HIBADH: variants seen among roughly 807,000 people sequenced by gnomAD.
HIBADH encodes the protein 3-hydroxyisobutyrate dehydrogenase.
In HIBADH, 25 loss-of-function variants were observed where a neutral mutation model predicts 36.1. That is an observed-to-expected ratio of 0.69 (90% CI 0.50 to 0.97). The LOEUF (loss-of-function observed/expected upper bound fraction) is 0.97, where lower values mean the gene tolerates loss of function less well. HIBADH is among the 50% of genes least tolerant of loss of function. The pLI is 0.00. For missense variants in HIBADH, 421 were observed against 418.0 expected (o/e 1.01, Z -0.06); for synonymous variants, 160 against 149.5 (o/e 1.07, Z -0.51).
intron 4 of HIBADH, among the ~76,000 whole-genome samples, chr7:27,573,680 C>G (rs561107544): frequency 7.9e-5 from 12 of 152,142 alleles, no homozygotes; most frequent in Non-Finnish European, 1.5e-5. Context: ...GCGGCAGACT[C>G]TCTAAGGCTG....
chr7:27,534,908 A>G (rs1784051023), intron 6 of HIBADH, among the ~76,000 whole-genome samples: 1 of 151,364 alleles, frequency 6.6e-6, no homozygotes, highest in African/African-American at 2.4e-5. Context: ...CAGTGGATAG[A>G]TGTAATCACT....
At chr7:27,566,553 T>C (rs1265247043) in intron 4 of HIBADH, among the ~76,000 whole-genome samples, 3 of 152,108 alleles carry the variant, frequency 2.0e-5, no homozygotes, top group African/African-American at 7.2e-5. Flanking sequence ...CCAATTTCAT[T>C]AATTTGTTCT....
chr7:27,624,045 G>A (rs1355436593), intron 4 of HIBADH, among the ~76,000 whole-genome samples: 5 of 152,158 alleles, frequency 3.3e-5, no homozygotes. Flanking sequence ...TGATCCACCT[G>A]CCTTGGCTTC....
intron 2 of HIBADH, among the ~76,000 whole-genome samples, chr7:27,634,876 GC>G (rs536238370): frequency 1.2e-3 from 188 of 152,302 alleles, no homozygotes; most frequent in African/African-American, 4.3e-3. Flanking sequence ...TGGCCAATCA[GC>G]CCCCTGCATC....
At chr7:27,601,764 T>C (rs1785133920) in intron 4 of HIBADH, among the ~76,000 whole-genome samples, 1 of 152,110 alleles carries the variant, frequency 6.6e-6, no homozygotes, top group African/African-American at 2.4e-5. Context: ...ATTCTGGTTT[T>C]CACTTGTTTA....
intron 1 of HIBADH, among the ~76,000 whole-genome samples, chr7:27,651,602 T>G (rs985001066): frequency 2.0e-4 from 30 of 152,172 alleles, no homozygotes; most frequent in African/African-American, 6.5e-4. Context: ...CTTCAGCAAC[T>G]AGGAAGATTA....
At chr7:27,605,209 G>A (rs1384306314) in intron 4 of HIBADH, among the ~76,000 whole-genome samples, 2 of 151,902 alleles carry the variant, frequency 1.3e-5, no homozygotes, top group African/African-American at 4.8e-5. Context: ...AATTTATAAT[G>A]AGCCTTTTTT....
chr7:27,552,403 T>C (rs1250759812), intron 4 of HIBADH, among the ~76,000 whole-genome samples: 1 of 152,074 alleles, frequency 6.6e-6, no homozygotes, highest in Admixed American at 6.5e-5. Flanking sequence ...ATAAACAAAG[T>C]TTAGTTAGCT....
At chr7:27,572,728 T>C (rs1784646658) in intron 4 of HIBADH, among the ~76,000 whole-genome samples, 1 of 152,194 alleles carries the variant, frequency 6.6e-6, no homozygotes, top group African/African-American at 2.4e-5. Context: ...ACGAATCAAG[T>C]ATTTACTGAA....
intron 4 of HIBADH, 77 bp downstream of exon 4, chr7:27,629,294 C>A: frequency 7.1e-7 from 1 of 1,417,566 alleles, no homozygotes. Flanking sequence ...ACTACAAAAC[C>A]ATATGGTACA....
chr7:27,559,187 C>A (rs1318820571), intron 4 of HIBADH, among the ~76,000 whole-genome samples: 1 of 152,226 alleles, frequency 6.6e-6, no homozygotes, highest in South Asian at 2.1e-4. Context: ...TAAATTAAGG[C>A]CCACCTTAAT....
intron 2 of HIBADH, among the ~76,000 whole-genome samples, chr7:27,637,555 A>G (rs1218826179): frequency 1.3e-5 from 2 of 152,168 alleles, no homozygotes; most frequent in African/African-American, 4.8e-5. Context: ...AGGATGCCCT[A>G]TCTCATCACT....
At chr7:27,606,329 G>C (rs1439851459) in intron 4 of HIBADH, among the ~76,000 whole-genome samples, 1 of 152,120 alleles carries the variant, frequency 6.6e-6, no homozygotes, top group African/African-American at 2.4e-5. Flanking sequence ...CGCAGACAAA[G>C]GCCCTAAATA....
intron 6 of HIBADH, among the ~76,000 whole-genome samples, chr7:27,536,745 A>G (rs1583557755): frequency 6.6e-6 from 1 of 152,288 alleles, no homozygotes; most frequent in East Asian, 1.9e-4. Flanking sequence ...GAGTTCTGAC[A>G]GGAAAATTAT....
chr7:27,626,479 T>A lies in HIBADH; in HGVS notation c.484+2892A>T, dbSNP rs928853771. ...ATTGTATTCTTTCTAATAAGGATAA[T>A]GTACACAGGAGCCATTACACAGTGG... On this transcript the variant is annotated intron_variant, in intron 4 of 7. Transcript: ENST00000265395. Among the ~76,000 whole-genome samples, 7 of 152,280 alleles carry A rather than the reference T, an allele frequency of 4.6e-5. No homozygotes were observed. The South Asian group carries it at 6.2e-4, about 14-fold the overall frequency.
chr7:27,557,290 T>C (rs1186619784), intron 4 of HIBADH, among the ~76,000 whole-genome samples: 2 of 152,124 alleles, frequency 1.3e-5, no homozygotes, highest in Non-Finnish European at 2.9e-5. Context: ...TCCAAGCAGA[T>C]AAGTGGTGTC....
At chr7:27,532,186 A>G (rs1417287784) in intron 6 of HIBADH, among the ~76,000 whole-genome samples, 5 of 152,222 alleles carry the variant, frequency 3.3e-5, no homozygotes, top group Admixed American at 1.3e-4. Context: ...CTTGGATTCT[A>G]AAGATATAAT....
chr7:27,582,199 T>C (rs1203827125), intron 4 of HIBADH, among the ~76,000 whole-genome samples: 2 of 152,152 alleles, frequency 1.3e-5, no homozygotes, highest in African/African-American at 2.4e-5. Context: ...TCAACTCTTA[T>C]ACAATAAGCT....
intron 1 of HIBADH, among the ~76,000 whole-genome samples, chr7:27,660,474 T>C (rs1786392961): frequency 6.6e-6 from 1 of 152,172 alleles, no homozygotes; most frequent in South Asian, 2.1e-4. Flanking sequence ...CCATCCTGGC[T>C]AACATGGTGA....
Sources: gnomAD v4.1 joint callset for allele counts (sites outside exome capture counted in the v4.1 genomes callset) on GRCh38, gnomAD v4.1.1 for gene constraint, MANE v1.5 for transcripts, NCBI Gene and HGNC (gene_info 2026-07-23, HGNC 2026-07-21) for gene names.